C14orf39: variants seen among roughly 807,000 people sequenced by gnomAD.
The protein encoded by C14orf39 is chromosome 14 open reading frame 39, also known as protein SIX6OS1.
C14orf39 carries 66 observed loss-of-function variants against 85.6 expected under a neutral mutation model. The observed-to-expected ratio is 0.77, with a 90% CI of 0.63 to 0.95. The LOEUF (loss-of-function observed/expected upper bound fraction) is 0.95. Among genes scored for constraint, C14orf39 ranks in the 40% least tolerant of loss-of-function variants. The probability of loss-of-function intolerance (pLI) is 0.00; values close to 1 mark genes in which losing one functional copy is unlikely to be tolerated. For missense variants in C14orf39, 735 were observed against 663.9 expected, an observed-to-expected ratio of 1.11 and a Z score of -1.18; for synonymous variants, 242 against 214.0, an observed-to-expected ratio of 1.13 and a Z score of -1.14.
In C14orf39 at chr14:60,512,715, A is replaced by T. The variant is rs143162265; in HGVS notation, c.-144+2680T>A. 1.4e-4 allele frequency: 22 copies of T among 152,366 alleles called. No homozygotes were observed. In the East Asian group the frequency reaches 4.2e-3, roughly 29 times the overall value. 9.4% of individuals were successfully genotyped at this position (152,366 alleles called of 1,614,324 possible). A position where few individuals can be genotyped will look rare whatever the true frequency, so the allele number is the denominator to read the frequency against. ...TGCACATGCATGTATGCACCTATAC[A>T]TGAACAAATGCATGCATATACAACG... On this transcript the variant is annotated intron_variant, in intron 1 of 5. Coordinates refer to the C14orf39 transcript ENST00000556799.
chr14:60,484,547 T>C lies in C14orf39; in HGVS notation c.106+334A>G, dbSNP rs955834960. Among the ~76,000 whole-genome samples the C allele has an allele frequency of 6.6e-6, 1 of 152,188 alleles. No individual in the cohort carries two copies. The highest frequency in any genetic ancestry group is 1.5e-5 in the Non-Finnish European group (1 of 68,026). On this transcript the variant is annotated intron_variant, in intron 3 of 17. Coordinates refer to ENST00000321731, the MANE Select transcript of C14orf39 (RefSeq NM_174978.3). This position sits in a 1 kb window ranked among gnomAD's most constrained non-coding sequence, Gnocchi z 4.2. ...GATTTTGATCCCTGATTTCTGGTGG[T>C]TTCTATAAAGATAAAAAAAATTTCA...
intron 2 of C14orf39, chr14:60,495,857 A>G: frequency 3.4e-6 from 1 of 291,832 alleles, no homozygotes; most frequent in Admixed American, 4.1e-5. Context: ...CCTTTCTTGG[A>G]AAGGTCTAGC....
intron 3 of C14orf39, 42 bp from the exon 4 acceptor site, chr14:60,483,859 A>C (rs757332759): frequency 7.3e-7 from 1 of 1,362,564 alleles, no homozygotes; most frequent in Non-Finnish European, 1.0e-6. Context: ...TAGAAATAAT[A>C]AGTTCAAAAT....
At chr14:60,464,234 G>A (rs966143812) in intron 11 of C14orf39, among the ~76,000 whole-genome samples, 3 of 152,118 alleles carry the variant, frequency 2.0e-5, no homozygotes, top group African/African-American at 7.2e-5. Context: ...AAAATAGCAG[G>A]AAAAGAAAAC....
At chr14:60,508,708 C>T (rs982594838) in intron 1 of C14orf39, among the ~76,000 whole-genome samples, 3 of 152,202 alleles carry the variant, frequency 2.0e-5, no homozygotes, top group Non-Finnish European at 1.5e-5. Flanking sequence ...CTTCCTGCTC[C>T]CACCGCAAGG....
intron 13 of C14orf39, among the ~76,000 whole-genome samples, chr14:60,459,809 G>C (rs1474415492): frequency 6.6e-6 from 1 of 151,606 alleles, no homozygotes; most frequent in Non-Finnish European, 1.5e-5. Context: ...TAATTGGGTT[G>C]TCTGCTTTTT....
At chr14:60,442,862 T>C (rs926222943) in intron 16 of C14orf39, among the ~76,000 whole-genome samples, 2 of 152,236 alleles carry the variant, frequency 1.3e-5, no homozygotes, top group African/African-American at 4.8e-5. Flanking sequence ...TTCAGTGAAT[T>C]ATCTCTTTGT....
At chr14:60,461,438 G>C in intron 12 of C14orf39, 26 bp from the exon 13 acceptor site, 1 of 1,588,444 alleles carries the variant, frequency 6.3e-7, no homozygotes, top group Non-Finnish European at 8.6e-7. Flanking sequence ...TATAATTTTT[G>C]TATTTTTTCT....
intron 11 of C14orf39, among the ~76,000 whole-genome samples, chr14:60,464,382 G>A (rs1891681451): frequency 6.6e-6 from 1 of 152,050 alleles, no homozygotes; most frequent in Admixed American, 6.6e-5. Context: ...TATTTCACTG[G>A]TTTGGTTTTG....
At chr14:60,481,395 A>G (rs1014759039) in intron 4 of C14orf39, among the ~76,000 whole-genome samples, 4 of 152,118 alleles carry the variant, frequency 2.6e-5, no homozygotes, top group African/African-American at 7.2e-5. Flanking sequence ...AGTGGCTCAC[A>G]TGTATAATCC....
chr14:60,455,080 A>C lies in C14orf39; in HGVS notation c.1424T>G (p.Leu475Arg). The C allele has an allele frequency of 6.3e-7, 1 of 1,582,620 alleles. No homozygotes were observed. Among genetic ancestry groups the C allele is most frequent in the Non-Finnish European group, 8.6e-7 (1 of 1,168,336 alleles). Residue 475 changes from leucine to arginine, a missense_variant, in exon 16 of 18, where the codon CTT (leucine) becomes CGT (arginine). Coordinates refer to ENST00000321731, the MANE Select transcript of C14orf39 (RefSeq NM_174978.3). Reference sequence around the variant, plus strand: ...AGGTGATCTAGAAGTATAACTCATAAGAAAAGAAAGTCCAGGGGATTCCTT... The same window carrying C: ...AGGTGATCTAGAAGTATAACTCATACGAAAAGAAAGTCCAGGGGATTCCTT... The part of the protein sequence containing the change: ...TEKESPGLSF[L>R]MSYTSRSPGL...
At chr14:60,466,212 T>C (rs888421566) in intron 10 of C14orf39, among the ~76,000 whole-genome samples, 157 bp from the exon 11 acceptor site, 8 of 152,002 alleles carry the variant, frequency 5.3e-5, no homozygotes, top group African/African-American at 1.4e-4. Context: ...TTAAAACTCT[T>C]AATTCCTTAC....
In C14orf39 at chr14:60,485,066, G is replaced by C; in HGVS notation, c.13C>G (p.Leu5Val). 2 of 1,608,576 alleles carry C rather than the reference G, an allele frequency of 1.2e-6. No homozygotes were observed. The highest frequency in any genetic ancestry group is 8.5e-7 in the Non-Finnish European group (1 of 1,178,906). The change falls in exon 2 of 18, where the codon CTG becomes GTG. Residue 5 changes from leucine (L) to valine (V), a missense_variant. By Grantham distance (32) the Leu-to-Val change is conservative. Transcript: ENST00000321731. ...AAAAGTCTGTCCAAACTGACAAACA[G>C]GCTGTCATTCATCTTGGATACTATG... Reference protein sequence around the residue: MNDSLFVSLDRLLLE... With the variant: MNDSVFVSLDRLLLE...
intron 3 of C14orf39, 96 bp from the exon 4 acceptor site, chr14:60,483,913 G>T (rs1439829102): frequency 5.1e-6 from 4 of 783,596 alleles, no homozygotes; most frequent in Non-Finnish European, 7.8e-6. Flanking sequence ...TTACCTAAAA[G>T]GAAGAGAGCC....
In C14orf39 at chr14:60,471,409, G is replaced by A. The variant is rs1892069121; in HGVS notation, c.554+8C>T. On this transcript the variant is annotated splice_region_variant and intron_variant, in intron 7 of 17. Transcript: ENST00000321731. ...AAAAATTATAAGTACAAATACTATT[G>A]TGGATACATGTTTAAAGTCCATTTA... The A allele has an allele frequency of 6.4e-7, 1 of 1,572,544 alleles. No homozygotes were observed. The highest frequency in any genetic ancestry group is 2.0e-4 in the Middle Eastern group (1 of 5,010).
rs75496159 is a variant in C14orf39 at position 60,436,629 on chromosome 14, G to A, written c.*216C>T. 1,000 of 336,796 alleles carry A rather than the reference G, an allele frequency of 3.0e-3. 5 individuals carry two copies. Among genetic ancestry groups the A allele is most frequent in the African/African-American group, 0.012 (564 of 46,890 alleles). 20.9% of individuals were successfully genotyped at this position (336,796 alleles called of 1,614,324 possible). A position where few individuals can be genotyped will look rare whatever the true frequency, so the allele number is the denominator to read the frequency against. On this transcript the variant is annotated 3_prime_UTR_variant, in exon 18 of 18. Coordinates refer to ENST00000321731, the MANE Select transcript of C14orf39 (RefSeq NM_174978.3). ...TAAAAGTTCTACCTGACCACGGCTCGCAAAATCAAAACCAAAATAAATAAT... is the reference window on the plus strand; with the variant it reads ...TAAAAGTTCTACCTGACCACGGCTCACAAAATCAAAACCAAAATAAATAAT...
chr14:60,437,117 T>C, intron 17 of C14orf39, 70 bp from the exon 18 acceptor site: 1 of 963,846 alleles, frequency 1.0e-6, no homozygotes. Context: ...TACTGAATTA[T>C]AGCATACTGC....
At chr14:60,512,736 C>A (rs1287346097) in intron 1 of C14orf39, 4 of 152,200 alleles carry the variant, frequency 2.6e-5, no homozygotes, top group Non-Finnish European at 5.9e-5. Flanking sequence ...CATGCATATA[C>A]AACGCAAAAA....
chr14:60,507,636 C>T (rs1893222329), intron 1 of C14orf39, among the ~76,000 whole-genome samples: 1 of 152,072 alleles, frequency 6.6e-6, no homozygotes. Flanking sequence ...CAGGGTTTTC[C>T]GTCAGAACGA....
Sources: allele counts gnomAD v4.1 joint callset (sites outside exome capture counted in the v4.1 genomes callset), GRCh38; gene constraint gnomAD v4.1.1; non-coding constraint Gnocchi (gnomAD v3.1); transcripts MANE v1.5; gene names NCBI Gene and HGNC (gene_info 2026-07-23, HGNC 2026-07-21).